EBF1: variants seen among roughly 807,000 people sequenced by gnomAD.
EBF1 encodes EBF transcription factor 1.
In EBF1, 10 loss-of-function variants were observed where a neutral mutation model predicts 68.4. The observed-to-expected ratio is 0.15, with a 90% CI of 0.09 to 0.25. The LOEUF (loss-of-function observed/expected upper bound fraction) is 0.25. Ranked by LOEUF, EBF1 falls within the 10% of genes least tolerant of loss-of-function variation. The pLI, the probability that EBF1 is intolerant of heterozygous loss-of-function variation, is 1.00. For missense variants in EBF1, 509 were observed against 794.4 expected (o/e 0.64, Z 4.32); for synonymous variants, 298 against 299.8 (o/e 0.99, Z 0.06).
chr5:159,092,053 A>G (rs892655772), intron 4 of EBF1, among the ~76,000 whole-genome samples: 2 of 152,354 alleles, frequency 1.3e-5, no homozygotes, highest in South Asian at 4.1e-4. Context: ...TTAAAGATAT[A>G]TAACTCACTA....
chr5:159,063,165 C>T (rs770654161), intron 6 of EBF1, among the ~76,000 whole-genome samples: 1 of 152,196 alleles, frequency 6.6e-6, no homozygotes, highest in African/African-American at 2.4e-5. Context: ...CTGTGCTCAA[C>T]GTAGTCACTG....
chr5:159,039,224 A>G (rs904944331), intron 6 of EBF1, among the ~76,000 whole-genome samples: 9 of 152,256 alleles, frequency 5.9e-5, no homozygotes, highest in African/African-American at 2.2e-4. Flanking sequence ...GGTCCGTCAG[A>G]AAAGAAAATC....
intron 6 of EBF1, among the ~76,000 whole-genome samples, chr5:158,855,385 G>A (rs1408871451): frequency 6.6e-6 from 1 of 152,216 alleles, no homozygotes; most frequent in Non-Finnish European, 1.5e-5. Flanking sequence ...TGAGTCTACT[G>A]AAGCTCCAAG....
At chr5:158,760,629 G>A (rs1020464579) in intron 10 of EBF1, among the ~76,000 whole-genome samples, 1 of 152,070 alleles carries the variant, frequency 6.6e-6, no homozygotes, top group Non-Finnish European at 1.5e-5. Flanking sequence ...GTAACAAGGC[G>A]ATAGTATCTA....
rs1378800195 is a variant in EBF1 at position 158,697,847 on chromosome 5, G to T, written c.*1264C>A. 4.8e-6 allele frequency: 1 copy of T among 208,642 alleles called. No homozygotes were observed. The highest frequency in any genetic ancestry group is 7.3e-5 in the East Asian group (1 of 13,792). The allele number at this position is 208,642 out of a possible 1,614,324, so 12.9% of individuals were successfully genotyped here. On this transcript the variant is annotated 3_prime_UTR_variant, in exon 16 of 16. Transcript: ENST00000313708. ...GCAAATGCATCCTCAGAGCTTTGCT[G>T]CATCTTTGCTATTAATTCTTATTTT...
At chr5:159,083,038 T>C (rs573159420) in intron 5 of EBF1, among the ~76,000 whole-genome samples, 2 of 152,318 alleles carry the variant, frequency 1.3e-5, no homozygotes, top group East Asian at 3.9e-4. Flanking sequence ...ATAGAATGAT[T>C]TCTAGCATAG....
At chr5:158,991,817 T>C (rs1203466678) in intron 6 of EBF1, among the ~76,000 whole-genome samples, 3 of 152,224 alleles carry the variant, frequency 2.0e-5, no homozygotes, top group African/African-American at 7.2e-5. Context: ...GTTGTGTCTG[T>C]GTTACCTGTG....
At chr5:158,859,370 C>T (rs1315966420) in intron 6 of EBF1, among the ~76,000 whole-genome samples, 1 of 152,180 alleles carries the variant, frequency 6.6e-6, no homozygotes, top group East Asian at 1.9e-4. Context: ...TCTCCCTCTC[C>T]CCATAAGACT....
At chr5:158,864,223 CAAAAAAA>C (rs34498854) in intron 6 of EBF1, among the ~76,000 whole-genome samples, 31 of 58,564 alleles carry the variant, frequency 5.3e-4, no homozygotes, top group South Asian at 1.5e-3. Context: ...GACTCTGTCT[CAAAAAAA>C]AAAAAAAAAA....
intron 6 of EBF1, among the ~76,000 whole-genome samples, chr5:158,887,166 T>C (rs1800221212): frequency 6.6e-6 from 1 of 152,200 alleles, no homozygotes; most frequent in African/African-American, 2.4e-5. Context: ...AGCAAATGAA[T>C]GGCTTCTGTT....
chr5:158,816,142 T>A (rs891409725), intron 8 of EBF1, among the ~76,000 whole-genome samples: 5 of 152,232 alleles, frequency 3.3e-5, no homozygotes, highest in Non-Finnish European at 7.3e-5. Flanking sequence ...GCATCAAAAC[T>A]AGCCACAGAA....
chr5:158,866,810 A>AATATATGTAT (rs1795945922), intron 6 of EBF1, among the ~76,000 whole-genome samples: 1 of 135,210 alleles, frequency 7.4e-6, no homozygotes, highest in Non-Finnish European at 1.6e-5. Context: ...GGACTCCAGT[A>AATATATGTAT]ATATATGTAT....
chr5:158,885,114 G>C (rs1415994672), intron 6 of EBF1, among the ~76,000 whole-genome samples: 1 of 152,226 alleles, frequency 6.6e-6, no homozygotes, highest in Non-Finnish European at 1.5e-5. Context: ...GTCTATGACT[G>C]TTTGGGGATG....
At chr5:158,740,625 C>G (rs576562084) in intron 10 of EBF1, among the ~76,000 whole-genome samples, 2 of 152,180 alleles carry the variant, frequency 1.3e-5, no homozygotes, top group Non-Finnish European at 2.9e-5. Flanking sequence ...GAACTTACAA[C>G]AAGTATGCCA....
chr5:158,868,474 G>T (rs1041650908), intron 6 of EBF1, among the ~76,000 whole-genome samples: 1 of 152,100 alleles, frequency 6.6e-6, no homozygotes, highest in African/African-American at 2.4e-5. Context: ...GGGTTTGTTT[G>T]TTTTTTTCTG....
At chr5:159,064,298 G>GA (rs1189775884) in intron 6 of EBF1, among the ~76,000 whole-genome samples, 5 of 152,182 alleles carry the variant, frequency 3.3e-5, no homozygotes, top group African/African-American at 1.2e-4. Context: ...TGGATAGCAA[G>GA]AAAAATGAAA....
At chr5:158,928,209 G>A (rs765943203) in intron 6 of EBF1, among the ~76,000 whole-genome samples, 1 of 152,100 alleles carries the variant, frequency 6.6e-6, no homozygotes, top group Non-Finnish European at 1.5e-5. Context: ...CTGTGAAATG[G>A]GGATGACAAT....
At chr5:158,700,529 C>T (rs948418001) in intron 15 of EBF1, among the ~76,000 whole-genome samples, 22 of 148,938 alleles carry the variant, frequency 1.5e-4, no homozygotes, top group African/African-American at 4.9e-4. Context: ...AAAAAAAAAG[C>T]GAACCCCAGT....
chr5:159,029,050 C>T (rs955131580), intron 6 of EBF1, among the ~76,000 whole-genome samples: 2 of 152,010 alleles, frequency 1.3e-5, no homozygotes, highest in African/African-American at 2.4e-5. Flanking sequence ...TTCTATAAAG[C>T]CTTAAACCAA....
Sources: gnomAD v4.1 joint callset for allele counts (sites outside exome capture counted in the v4.1 genomes callset) on GRCh38, gnomAD v4.1.1 for gene constraint, MANE v1.5 for transcripts, NCBI Gene and HGNC (gene_info 2026-07-23, HGNC 2026-07-21) for gene names.